The following PRAMEF8 variants were observed in gnomAD, a reference collection of about 807,000 sequenced individuals.
PRAMEF8 encodes the protein putative PRAME family member 24.
Under a neutral mutation model 16.6 loss-of-function variants are expected in PRAMEF8, and 1 was observed. That is an observed-to-expected ratio of 0.06 (90% confidence interval 0.02 to 0.29). The LOEUF (loss-of-function observed/expected upper bound fraction) is 0.29. Among genes scored for constraint, PRAMEF8 ranks in the 10% least tolerant of loss-of-function variants. The pLI, the probability that PRAMEF8 is intolerant of heterozygous loss-of-function variation, is 1.00. For synonymous variants in PRAMEF8, 4 were observed against 145.4 expected (o/e 0.03, Z 7.00); for missense variants, 14 against 336.8 (o/e 0.04, Z 7.50).
exon 4 of PRAMEF8, chr1:13,281,718 T>C (rs1243916295): frequency 6.8e-6 from 11 of 1,609,542 alleles, no homozygotes; most frequent in African/African-American, 6.7e-5. Context: ...GAATCCATGA[T>C]CCCACAGTCC....
Position 13,282,730 on chromosome 1 carries a change from C to CTAG in PRAMEF8, c.863+114_863+116dup, listed in dbSNP as rs1277987133. 118 of 548,216 alleles carry CTAG rather than the reference C, an allele frequency of 2.2e-4. No individual in the cohort carries two copies. In the South Asian group the frequency reaches 2.3e-3, roughly 11 times the overall value. 34.0% of individuals were successfully genotyped at this position (548,216 alleles called of 1,614,324 possible). ...ACCAACAGGATAATGCATGGATATTCTAGTGTCCCCTCACTCTTACTTCCT... is the reference window on the plus strand; with the variant it reads ...ACCAACAGGATAATGCATGGATATTCTAGTAGTGTCCCCTCACTCTTACTTCCT... On this transcript the variant is annotated intron_variant, in intron 3 of 3. Coordinates refer to ENST00000357367, the Ensembl canonical transcript of PRAMEF8.
chr1:13,281,826 G>T lies in PRAMEF8; in HGVS notation c.970C>A (p.Leu324Met). The change falls in exon 4 of 4, where the codon CTG (leucine) becomes ATG (methionine). Residue 324 changes from leucine to methionine, a missense_variant. Physicochemically the swap from Leu to Met is conservative, Grantham distance 15. Coordinates refer to ENST00000357367, the Ensembl canonical transcript of PRAMEF8. ...GTCAGCGTGACACCCCTCAGGTCCA[G>T]CTCCTTTAATTGACGGATGCTCGGG... 5 of 1,611,740 alleles carry T rather than the reference G, an allele frequency of 3.1e-6. 1 individual carries two copies. The highest frequency in any genetic ancestry group is 4.2e-6 in the Non-Finnish European group (5 of 1,178,750).
chr1:13,281,305 GC>G lies in PRAMEF8; in HGVS notation c.*65del, dbSNP rs1639593144. 8.9e-6 allele frequency: 4 copies of G among 448,182 alleles called. No individual in the cohort carries two copies. In the Admixed American group the frequency reaches 1.8e-4, roughly 20 times the overall value. 27.8% of individuals were successfully genotyped at this position (448,182 alleles called of 1,614,324 possible). A position where few individuals can be genotyped will look rare whatever the true frequency, so the allele number is the denominator to read the frequency against. ...GTGCTCCCTTTAACATGCACTCATG[GC>G]CTAGGTTTCAGCTCCGAAATGACCA... On this transcript the variant is annotated 3_prime_UTR_variant, in exon 4 of 4. Coordinates refer to ENST00000357367, the Ensembl canonical transcript of PRAMEF8.
intron 2 of PRAMEF8, 132 bp from the exon 3 acceptor site, chr1:13,283,554 G>GC: frequency 3.0e-6 from 1 of 335,954 alleles, no homozygotes; most frequent in Non-Finnish European, 5.1e-6. Context: ...TTTCCCTCCG[G>GC]ATTTTGCCTC....
intron 2 of PRAMEF8, 110 bp downstream of exon 2, chr1:13,283,694 TG>T: frequency 1.7e-6 from 1 of 599,022 alleles, no homozygotes; most frequent in Non-Finnish European, 2.8e-6. Context: ...GCTTCCTCAC[TG>T]GCACCATCAG....
At chr1:13,281,780 A>C in exon 4 of PRAMEF8, 1 of 1,610,992 alleles carries the variant, frequency 6.2e-7, no homozygotes, top group Non-Finnish European at 8.5e-7. Context: ...CAGACCTGTG[A>C]GGGGCTCAGG....
At chr1:13,282,208 GAC>G in intron 3 of PRAMEF8, 1 of 405,862 alleles carries the variant, frequency 2.5e-6, no homozygotes, top group Admixed American at 4.6e-5. Flanking sequence ...GCCCGATGGA[GAC>G]ACAGGCATAA....
At position 13,281,834 on chromosome 1, in the gene PRAMEF8, A is replaced by C; in HGVS notation, c.962T>G (p.Leu321Ter). The change falls in exon 4 of 4, where the codon TTA becomes TGA. Residue 321 changes from leucine to a stop codon, truncating the protein, a stop_gained. Transcript: ENST00000357367. LOFTEE classifies it high-confidence loss of function. ...GACACCCCTCAGGTCCAGCTCCTTT[A>C]ATTGACGGATGCTCGGGCACCAAGA... 1.2e-6 allele frequency: 2 copies of C among 1,611,818 alleles called. No individual in the cohort carries two copies. Among genetic ancestry groups the C allele is most frequent in the East Asian group, 4.5e-5 (2 of 44,874 alleles).
intron 3 of PRAMEF8, 37 bp from the exon 4 acceptor site, chr1:13,281,969 G>A (rs1487258643): frequency 6.3e-7 from 1 of 1,593,578 alleles, no homozygotes; most frequent in Admixed American, 1.7e-5. Context: ...GGAGAGAGGT[G>A]GGGATGACTT....
At chr1:13,282,618 CT>C (rs1335614983) in intron 3 of PRAMEF8, 5 of 788,836 alleles carry the variant, frequency 6.3e-6, no homozygotes, top group African/African-American at 3.4e-5. Flanking sequence ...AGCTTCCTAG[CT>C]TGGCACCTTC....
chr1:13,282,490 TG>T, intron 3 of PRAMEF8: 1 of 161,882 alleles, frequency 6.2e-6, no homozygotes, highest in East Asian at 1.5e-4. Context: ...AGGAGTGGGA[TG>T]GGCATTCTCT....
At chr1:13,284,020 G>T in exon 2 of PRAMEF8, 1 of 1,611,500 alleles carries the variant, frequency 6.2e-7, no homozygotes, top group Non-Finnish European at 8.5e-7. Context: ...TGGTGGAGAT[G>T]GCCAAGGCCT....
At chr1:13,284,431 AT>A in intron 1 of PRAMEF8, 2 of 160,942 alleles carry the variant, frequency 1.2e-5, no homozygotes, top group Non-Finnish European at 2.1e-5. Flanking sequence ...TTTGAGGGAA[AT>A]TTTTTTGTTA....
intron 3 of PRAMEF8, 199 bp from the exon 4 acceptor site, chr1:13,282,131 GTCCATGAACTCTAAGTC>G (rs2100256882): frequency 1.6e-6 from 1 of 626,098 alleles, no homozygotes; most frequent in East Asian, 2.8e-5. Context: ...ATTGGATCAA[GTCCATGAACTCTAAGTC>G]TCCCTTTCCT....
At chr1:13,282,481 G>A in intron 3 of PRAMEF8, 1 of 161,250 alleles carries the variant, frequency 6.2e-6, no homozygotes, top group South Asian at 1.1e-4. Flanking sequence ...TTAAAATATA[G>A]GAGTGGGATG....
At chr1:13,281,320 C>A in exon 4 of PRAMEF8, 1 of 475,646 alleles carries the variant, frequency 2.1e-6, no homozygotes, top group South Asian at 2.1e-5. Context: ...GGTTTCAGCT[C>A]CGAAATGACC....
chr1:13,281,817 T>A, exon 4 of PRAMEF8: 1 of 1,611,574 alleles, frequency 6.2e-7, no homozygotes, highest in Non-Finnish European at 8.5e-7. Context: ...GTGACACCCC[T>A]CAGGTCCAGC....
chr1:13,282,711 AG>A, intron 3 of PRAMEF8, 135 bp downstream of exon 3: 1 of 582,554 alleles, frequency 1.7e-6, no homozygotes, highest in South Asian at 2.0e-5. Flanking sequence ...AGCCACCAAC[AG>A]GATAATGCAT....
In PRAMEF8 at chr1:13,284,371, AG is replaced by A; in HGVS notation, c.-25-256del. 3.1e-5 allele frequency: 4 copies of A among 129,568 alleles called. No homozygotes were observed. The East Asian group carries it at 4.3e-4, about 14-fold the overall frequency. The allele number at this position is 129,568 out of a possible 1,614,324, so 8.0% of individuals were successfully genotyped here. A position where few individuals can be genotyped will look rare whatever the true frequency, so the allele number is the denominator to read the frequency against. Reference sequence around the variant, plus strand: ...TCTATACATTGCTCCACTGAAACTCAGGATTACTGGGATCTGTCACTCAGGA... The same window carrying A: ...TCTATACATTGCTCCACTGAAACTCAGATTACTGGGATCTGTCACTCAGGA... On this transcript the variant is annotated intron_variant, in intron 1 of 3. Transcript: ENST00000357367.
Sources: allele counts gnomAD v4.1 joint callset, GRCh38; gene constraint gnomAD v4.1.1; transcripts MANE v1.5; gene names NCBI Gene and HGNC (gene_info 2026-07-23, HGNC 2026-07-21).